NXPH2: variants seen among roughly 807,000 people sequenced by gnomAD.
NXPH2 encodes neurexophilin 2, also known as neurexophilin-2.
Under a neutral mutation model 19.8 loss-of-function variants are expected in NXPH2, and 5 were observed. That is an observed-to-expected ratio of 0.25 (90% CI 0.13 to 0.53). The LOEUF (loss-of-function observed/expected upper bound fraction) is 0.53, where lower values mean the gene tolerates loss of function less well. Ranked by LOEUF, NXPH2 falls within the 20% of genes least tolerant of loss-of-function variation. NXPH2 has a pLI of 0.96. For synonymous variants in NXPH2, 154 were observed against 127.4 expected (o/e 1.21, Z -1.41); for missense variants, 289 against 322.8 (o/e 0.90, Z 0.80).
chr2:138,698,330 A>G (rs760143088), intron 1 of NXPH2, among the ~76,000 whole-genome samples: 12 of 152,202 alleles, frequency 7.9e-5, no homozygotes, highest in Non-Finnish European at 1.5e-4. Context: ...TTTCAAGTAT[A>G]CTGTATATCA....
chr2:138,756,913 T>C (rs1681918188), intron 1 of NXPH2, among the ~76,000 whole-genome samples: 1 of 152,310 alleles, frequency 6.6e-6, no homozygotes, highest in Admixed American at 6.5e-5. Context: ...TGTGACTTAC[T>C]CATTCTAATA....
At chr2:138,699,908 G>T (rs988042221) in intron 1 of NXPH2, among the ~76,000 whole-genome samples, 4 of 152,220 alleles carry the variant, frequency 2.6e-5, no homozygotes, top group Non-Finnish European at 5.9e-5. Context: ...GTCGAGGCTT[G>T]TGTGTTAATA....
intron 1 of NXPH2, among the ~76,000 whole-genome samples, chr2:138,756,841 T>C (rs1390635023): frequency 6.6e-6 from 1 of 152,150 alleles, no homozygotes; most frequent in East Asian, 1.9e-4. Context: ...AGGTAATTTA[T>C]TGTATTAAAT....
intron 1 of NXPH2, among the ~76,000 whole-genome samples, chr2:138,756,191 C>T (rs1483775129): frequency 6.6e-6 from 1 of 151,714 alleles, no homozygotes; most frequent in East Asian, 1.9e-4. Context: ...ATATGAACAC[C>T]ATTGATTTTG....
At chr2:138,679,188 T>C (rs1263261516) in intron 1 of NXPH2, among the ~76,000 whole-genome samples, 2 of 152,186 alleles carry the variant, frequency 1.3e-5, no homozygotes, top group Admixed American at 1.3e-4. Context: ...ACTTTGAGCT[T>C]CTGGGGTTCA....
At chr2:138,770,286 T>C (rs1020633635) in intron 1 of NXPH2, among the ~76,000 whole-genome samples, 1 of 152,154 alleles carries the variant, frequency 6.6e-6, no homozygotes, top group African/African-American at 2.4e-5. Context: ...CTGGCATGTT[T>C]CACTTTAGTT....
rs568207868 is a variant in NXPH2 at position 138,683,511 on chromosome 2, C to A, written c.52-11846G>T. On this transcript the variant is annotated intron_variant, in intron 1 of 1. Coordinates refer to ENST00000272641, the MANE Select transcript of NXPH2 (RefSeq NM_007226.3). The stretch of plus-strand genomic sequence containing the variant: ...ATACAGGGGAGGAAGAAGACACACG[C>A]GGTGTGGGTTTGGAAAAGTGACTTT... Among the ~76,000 whole-genome samples, 49 of 152,174 alleles carry A rather than the reference C, an allele frequency of 3.2e-4. 1 individual carries two copies. Among genetic ancestry groups the A allele is most frequent in the South Asian group, 2.9e-3 (14 of 4,804 alleles).
intron 1 of NXPH2, among the ~76,000 whole-genome samples, chr2:138,759,733 T>C (rs1681976953): frequency 6.7e-6 from 1 of 149,140 alleles, no homozygotes; most frequent in Non-Finnish European, 1.5e-5. Flanking sequence ...TGCCACCTTT[T>C]TTTTTTTTTT....
At chr2:138,754,664 T>G (rs969131690) in intron 1 of NXPH2, among the ~76,000 whole-genome samples, 1 of 152,276 alleles carries the variant, frequency 6.6e-6, no homozygotes, top group South Asian at 2.1e-4. Context: ...ATGCAGACAT[T>G]TTTTGTGGAA....
chr2:138,672,385 A>G (rs2104963515), intron 1 of NXPH2, among the ~76,000 whole-genome samples: 1 of 152,332 alleles, frequency 6.6e-6, no homozygotes, highest in East Asian at 1.9e-4. Flanking sequence ...ATTGCTAAGA[A>G]ACTGTCATGT....
At chr2:138,697,527 A>G (rs12470417) in intron 1 of NXPH2, among the ~76,000 whole-genome samples, 35,663 of 151,822 alleles carry the variant, frequency 0.23, 4,969 homozygotes, top group Non-Finnish European at 0.28. Flanking sequence ...ATAAAATACT[A>G]TAAGTGGGGA....
At chr2:138,702,608 C>T (rs1394092164) in intron 1 of NXPH2, among the ~76,000 whole-genome samples, 8 of 138,864 alleles carry the variant, frequency 5.8e-5, no homozygotes, top group Admixed American at 1.4e-4. Context: ...CAATAAGCTG[C>T]ATAAATTAAC....
intron 1 of NXPH2, among the ~76,000 whole-genome samples, chr2:138,719,851 A>G (rs1271840383): frequency 1.3e-5 from 2 of 152,192 alleles, no homozygotes. Context: ...GTAACATCCC[A>G]CATGTACTTA....
chr2:138,698,974 T>A (rs190072494), intron 1 of NXPH2, among the ~76,000 whole-genome samples: 1 of 152,290 alleles, frequency 6.6e-6, no homozygotes, highest in East Asian at 1.9e-4. Flanking sequence ...TAATTAGGCA[T>A]TTAACAAATT....
chr2:138,759,640 T>G, intron 1 of NXPH2, among the ~76,000 whole-genome samples: 1 of 151,896 alleles, frequency 6.6e-6, no homozygotes, highest in East Asian at 1.9e-4. Context: ...GAGCCACACC[T>G]ATCTTATTAG....
chr2:138,747,462 G>T (rs1227094528), intron 1 of NXPH2, among the ~76,000 whole-genome samples: 1 of 152,138 alleles, frequency 6.6e-6, no homozygotes. Flanking sequence ...GGCTGTGAAG[G>T]GGCCCCGTGT....
chr2:138,707,421 T>TA (rs1273957749), intron 1 of NXPH2, among the ~76,000 whole-genome samples: 1 of 152,208 alleles, frequency 6.6e-6, no homozygotes, highest in African/African-American at 2.4e-5. Flanking sequence ...TGGATATTTT[T>TA]ATGAATCACT....
chr2:138,697,368 T>C (rs1159660094), intron 1 of NXPH2, among the ~76,000 whole-genome samples: 1 of 152,106 alleles, frequency 6.6e-6, no homozygotes, highest in Non-Finnish European at 1.5e-5. Context: ...AAATTTGAAA[T>C]AAATGATGCC....
intron 1 of NXPH2, among the ~76,000 whole-genome samples, chr2:138,699,395 T>C (rs1335888500): frequency 6.6e-6 from 1 of 151,796 alleles, no homozygotes; most frequent in Admixed American, 6.6e-5. Flanking sequence ...AGAGAGAAAG[T>C]AAAGAAACAA....
Sources: allele counts gnomAD v4.1 joint callset (sites outside exome capture counted in the v4.1 genomes callset), GRCh38; gene constraint gnomAD v4.1.1; transcripts MANE v1.5; gene names NCBI Gene and HGNC (gene_info 2026-07-23, HGNC 2026-07-21).